Variants in KIT observed in about 807,000 individuals in gnomAD.
KIT encodes KIT proto-oncogene, receptor tyrosine kinase, also known as mast/stem cell growth factor receptor Kit.
Under a neutral mutation model 105.7 loss-of-function variants are expected in KIT, and 16 were observed. That is an observed-to-expected ratio of 0.15 (90% CI 0.10 to 0.23). The LOEUF (loss-of-function observed/expected upper bound fraction) is 0.23, where lower values mean the gene tolerates loss of function less well. Ranked by LOEUF, KIT falls within the 10% of genes least tolerant of loss-of-function variation. KIT has a pLI of 1.00. For synonymous variants in KIT, 438 were observed against 441.1 expected, an observed-to-expected ratio of 0.99 and a Z score of 0.09; for missense variants, 858 against 1,213.8, an observed-to-expected ratio of 0.71 and a Z score of 4.36.
intron 1 of KIT, among the ~76,000 whole-genome samples, chr4:54,675,238 A>G (rs559915952): frequency 6.6e-6 from 1 of 152,360 alleles, no homozygotes; most frequent in East Asian, 1.9e-4. Flanking sequence ...TCCTAAAGCC[A>G]TATGAAGAAT....
rs1723072516 is a variant in KIT at position 54,738,685 on chromosome 4, T to G, written c.*128T>G. On this transcript the variant is annotated 3_prime_UTR_variant, in exon 21 of 21. Transcript: ENST00000288135. ...TGGGCACCCCACTGCAATCCTGTCT[T>G]TCTGAGCACACTTTAGTGGCCGATG... 2.6e-6 allele frequency: 3 copies of G among 1,170,530 alleles called. No individual in the cohort carries two copies. The Admixed American group carries it at 5.1e-5, about 20-fold the overall frequency. The allele number at this position is 1,170,530 out of a possible 1,614,324, so 72.5% of individuals were successfully genotyped here.
chr4:54,669,400 G>A (rs1217603452), intron 1 of KIT, among the ~76,000 whole-genome samples: 9 of 152,342 alleles, frequency 5.9e-5, no homozygotes, highest in Non-Finnish European at 1.0e-4. Flanking sequence ...GTGTGCCTGC[G>A]AGTGAGGTGG....
intron 2 of KIT, among the ~76,000 whole-genome samples, chr4:54,696,818 T>C (rs988831783): frequency 1.3e-5 from 2 of 152,276 alleles, no homozygotes; most frequent in African/African-American, 4.8e-5. Flanking sequence ...TGCAAAGAGA[T>C]ATACCCTGGT....
intron 5 of KIT, among the ~76,000 whole-genome samples, chr4:54,706,379 A>T (rs1393895591): frequency 6.6e-6 from 1 of 152,098 alleles, no homozygotes. Context: ...GTGATGTCTT[A>T]TTTTAATTAC....
At chr4:54,668,957 CA>C (rs1717901131) in intron 1 of KIT, among the ~76,000 whole-genome samples, 2 of 152,294 alleles carry the variant, frequency 1.3e-5, no homozygotes, top group Admixed American at 6.5e-5. Context: ...AAAGATTTTC[CA>C]TTTAAGAAAT....
chr4:54,693,086 C>A (rs1719821534), intron 1 of KIT, among the ~76,000 whole-genome samples: 1 of 152,176 alleles, frequency 6.6e-6, no homozygotes, highest in South Asian at 2.1e-4. Context: ...GGTTTGGCTA[C>A]AGATCTCTAT....
intron 13 of KIT, among the ~76,000 whole-genome samples, chr4:54,728,473 A>G (rs1371697420): frequency 6.6e-6 from 1 of 152,192 alleles, no homozygotes; most frequent in Non-Finnish European, 1.5e-5. Flanking sequence ...ATTAATTTGC[A>G]TACTACAATT....
intron 5 of KIT, among the ~76,000 whole-genome samples, chr4:54,704,350 T>G (rs1164372411): frequency 6.6e-6 from 1 of 152,220 alleles, no homozygotes; most frequent in Non-Finnish European, 1.5e-5. Flanking sequence ...TAGTAAGGAC[T>G]GAATTGGACT....
At chr4:54,698,648 G>A (rs1330255455) in intron 3 of KIT, 83 bp downstream of exon 3, 5 of 1,465,532 alleles carry the variant, frequency 3.4e-6, no homozygotes, top group Non-Finnish European at 4.8e-6. Context: ...ATCCACCTTA[G>A]TGTAGTCAAT....
intron 1 of KIT, among the ~76,000 whole-genome samples, chr4:54,694,432 G>A (rs1719917750): frequency 6.6e-6 from 1 of 152,108 alleles, no homozygotes; most frequent in South Asian, 2.1e-4. Flanking sequence ...GTTTGCTGCA[G>A]CCTCAACCTC....
intron 14 of KIT, among the ~76,000 whole-genome samples, chr4:54,729,752 A>G (rs1722474789): frequency 6.6e-6 from 1 of 152,172 alleles, no homozygotes; most frequent in Admixed American, 6.5e-5. Context: ...TGCATTCTAT[A>G]TCTGTTTCTC....
chr4:54,731,210 T>A, intron 14 of KIT, 118 bp from the exon 15 acceptor site: 6 of 759,326 alleles, frequency 7.9e-6, no homozygotes. Context: ...TACATGACTT[T>A]CCTCAAATTG....
At chr4:54,723,561 T>A (rs774458516) in intron 7 of KIT, 23 bp from the exon 8 acceptor site, 5 of 1,495,288 alleles carry the variant, frequency 3.3e-6, no homozygotes, top group Non-Finnish European at 3.7e-6. Flanking sequence ...CTCTGACATA[T>A]GGCCATTTCT....
chr4:54,717,365 T>C (rs544145340), intron 7 of KIT, among the ~76,000 whole-genome samples: 1 of 152,302 alleles, frequency 6.6e-6, no homozygotes, highest in East Asian at 1.9e-4. Flanking sequence ...GATGTGTTGC[T>C]AATTTAGGGG....
At position 54,740,598 on chromosome 4, in the gene KIT, A is replaced by G. The variant is rs922217138; in HGVS notation, c.*2041A>G. On this transcript the variant is annotated 3_prime_UTR_variant, in exon 21 of 21. Coordinates refer to ENST00000288135, the MANE Select transcript of KIT (RefSeq NM_000222.3). ...TTATATATACAGTAACTTTATGTGT[A>G]AATACATAAGCGGCGTAAGTTTAAA... 1.3e-5 allele frequency: 3 copies of G among 232,882 alleles called. No individual in the cohort carries two copies. Among genetic ancestry groups the G allele is most frequent in the Non-Finnish European group, 2.5e-5 (3 of 117,686 alleles). 14.4% of individuals were successfully genotyped at this position (232,882 alleles called of 1,614,324 possible).
At chr4:54,688,312 C>CT (rs779159038) in intron 1 of KIT, among the ~76,000 whole-genome samples, 18 of 152,152 alleles carry the variant, frequency 1.2e-4, no homozygotes, top group Non-Finnish European at 1.9e-4. Flanking sequence ...AAATCATTAG[C>CT]TTTTTTATTA....
chr4:54,658,107 A>G, intron 1 of KIT, 26 bp downstream of exon 1: 1 of 1,611,000 alleles, frequency 6.2e-7, no homozygotes. Context: ...TGGCACCCCG[A>G]CCGTGCGACT....
intron 1 of KIT, among the ~76,000 whole-genome samples, chr4:54,660,285 C>T (rs982657598): frequency 7.9e-5 from 12 of 152,052 alleles, no homozygotes; most frequent in African/African-American, 2.9e-4. Flanking sequence ...CCTTTGAGGG[C>T]CCCCGCCCCC....
chr4:54,719,560 CA>C (rs1254356167), intron 7 of KIT, among the ~76,000 whole-genome samples: 1 of 101,540 alleles, frequency 9.8e-6, no homozygotes, highest in Non-Finnish European at 2.4e-5. Flanking sequence ...TTTTTAAAGG[CA>C]AAAAGGCTAT....
Sources: allele counts gnomAD v4.1 joint callset (sites outside exome capture counted in the v4.1 genomes callset), GRCh38; gene constraint gnomAD v4.1.1; transcripts MANE v1.5; gene names NCBI Gene and HGNC (gene_info 2026-07-23, HGNC 2026-07-21).